Variants in PCDHGA4 observed in about 807,000 individuals in gnomAD.
PCDHGA4 encodes protocadherin gamma-A4.
A neutral mutation model predicts 54.6 loss-of-function variants in PCDHGA4; 38 were observed. The observed-to-expected ratio is 0.70, with a 90% CI of 0.54 to 0.91. The LOEUF is 0.91. PCDHGA4 is among the 40% of genes least tolerant of loss of function. The pLI is 0.00. For missense variants in PCDHGA4, 1,298 were observed against 1,220.9 expected (o/e 1.06, Z -0.94); for synonymous variants, 511 against 512.9 (o/e 1.00, Z 0.05).
Position 141,477,704 on chromosome 5 carries a change from C to T in PCDHGA4, c.2515-17103C>T, listed in dbSNP as rs772195653. 30 of 1,613,968 alleles carry T rather than the reference C, an allele frequency of 1.9e-5. No homozygotes were observed. Among genetic ancestry groups the T allele is most frequent in the Admixed American group, 6.7e-5 (4 of 60,026 alleles). On this transcript the variant is annotated intron_variant, in intron 1 of 3. Transcript: ENST00000571252. This position sits in a 1 kb window ranked among gnomAD's most constrained non-coding sequence, Gnocchi z 4.9. Reference sequence around the variant, plus strand: ...CTTAGTGCCCCTAGACTATGAGGATCGGCGGGAATTTGAATTAACAGCTCA... The same window carrying T: ...CTTAGTGCCCCTAGACTATGAGGATTGGCGGGAATTTGAATTAACAGCTCA...
In PCDHGA4 at chr5:141,491,492, T is replaced by G. The variant is rs763487622; in HGVS notation, c.2515-3315T>G. On this transcript the variant is annotated intron_variant, in intron 1 of 3. Coordinates refer to ENST00000571252, the MANE Select transcript of PCDHGA4 (RefSeq NM_018917.4). This position sits in a 1 kb window ranked among gnomAD's most constrained non-coding sequence, Gnocchi z 6.9. ...AAGCAGTCCAGCCCCAACCTGCAGG[T>G]GAGCTCGGACGGCACGCTCAAGTAC... 3.1e-6 allele frequency: 5 copies of G among 1,614,024 alleles called. No homozygotes were observed. The highest frequency in any genetic ancestry group is 3.4e-6 in the Non-Finnish European group (4 of 1,180,006).
chr5:141,452,844 C>T (rs1239022315), intron 1 of PCDHGA4, among the ~76,000 whole-genome samples: 1 of 152,204 alleles, frequency 6.6e-6, no homozygotes, highest in Non-Finnish European at 1.5e-5. Context: ...CCAGCCCACA[C>T]TCTGGGGAGA....
At position 141,422,850 on chromosome 5, in the gene PCDHGA4, G is replaced by A. The variant is rs184432819; in HGVS notation, c.2514+65229G>A. On this transcript the variant is annotated intron_variant, in intron 1 of 3. Transcript: ENST00000571252. Reference sequence around the variant, plus strand: ...TGATAGCACGTGACAGCGGGGACCCGCCCCTCAGCAGCAACGTGTCGCTGA... The same window carrying A: ...TGATAGCACGTGACAGCGGGGACCCACCCCTCAGCAGCAACGTGTCGCTGA... 154 of 1,614,204 alleles carry A rather than the reference G, an allele frequency of 9.5e-5. 1 individual carries two copies. The African/African-American group carries it at 1.3e-3, about 14-fold the overall frequency.
intron 1 of PCDHGA4, chr5:141,382,741 C>G: frequency 3.4e-6 from 2 of 582,496 alleles, no homozygotes; most frequent in East Asian, 2.8e-5. Context: ...AGAGAAACGA[C>G]AGATTGCGAT....
chr5:141,410,797 CTCTA>C (rs375585060), intron 1 of PCDHGA4: 18 of 676,000 alleles, frequency 2.7e-5, no homozygotes, highest in Middle Eastern at 9.7e-4. Context: ...TCATAAGTTG[CTCTA>C]TCTTTTTGTA....
At chr5:141,379,080 G>C (rs1467577464) in intron 1 of PCDHGA4, 1 of 152,176 alleles carries the variant, frequency 6.6e-6, no homozygotes, top group Non-Finnish European at 1.5e-5. Flanking sequence ...ATCTGAATTT[G>C]TTATGAATGT....
intron 2 of PCDHGA4, among the ~76,000 whole-genome samples, chr5:141,499,829 G>A (rs1322405697): frequency 6.6e-6 from 1 of 151,548 alleles, no homozygotes; most frequent in African/African-American, 2.4e-5. Context: ...TAGGATTACA[G>A]GTGTGCACCA....
At position 141,432,816 on chromosome 5, in the gene PCDHGA4, C is replaced by A. The variant is rs778545682; in HGVS notation, c.2515-61991C>A. Reference sequence around the variant, plus strand: ...CTCGAGTCTCCAGCTAACTCTGAAACCTCAGACCTCACTCTGTACCTGGTG... The same window carrying A: ...CTCGAGTCTCCAGCTAACTCTGAAAACTCAGACCTCACTCTGTACCTGGTG... On this transcript the variant is annotated intron_variant, in intron 1 of 3. Transcript: ENST00000571252. The surrounding 1 kb of genome is among the most constrained non-coding windows in gnomAD (Gnocchi z 6.0). The A allele has an allele frequency of 7.6e-5, 122 of 1,614,044 alleles. No individual in the cohort carries two copies. The highest frequency in any genetic ancestry group is 3.3e-5 in the Admixed American group (2 of 60,012).
rs112078596 is a variant in PCDHGA4, at chr5:141,490,350, G to A, written c.2515-4457G>A. ...GCACACCAGTGGGCACAGTAGTGGG[G>A]TTGTTTAATGTGCGAGACCGGGACT... On this transcript the variant is annotated intron_variant, in intron 1 of 3. Coordinates refer to ENST00000571252, the MANE Select transcript of PCDHGA4 (RefSeq NM_018917.4). The surrounding 1 kb of genome is among the most constrained non-coding windows in gnomAD (Gnocchi z 5.4). 3.5e-5 allele frequency: 57 copies of A among 1,614,086 alleles called. No homozygotes were observed. The highest frequency in any genetic ancestry group is 4.6e-5 in the Non-Finnish European group (54 of 1,180,042).
chr5:141,375,174 C>G (rs765614006), intron 1 of PCDHGA4: 7 of 1,613,886 alleles, frequency 4.3e-6, no homozygotes, highest in East Asian at 4.5e-5. Flanking sequence ...CCTCCAGGAA[C>G]AGTAATCGCC....
At chr5:141,423,140 C>T (rs760216287) in intron 1 of PCDHGA4, 7 of 1,613,498 alleles carry the variant, frequency 4.3e-6, no homozygotes, top group Non-Finnish European at 2.5e-6. Flanking sequence ...GACAGAGACG[C>T]GCTCAAGCAG....
chr5:141,362,276 G>A (rs1762413710), intron 1 of PCDHGA4: 17 of 1,613,888 alleles, frequency 1.1e-5, no homozygotes, highest in Middle Eastern at 1.6e-4. Flanking sequence ...ATCTCCCTGC[G>A]CCTGCGACTC....
intron 1 of PCDHGA4, chr5:141,419,522 C>T (rs781128524): frequency 1.5e-5 from 24 of 1,612,178 alleles, no homozygotes; most frequent in Non-Finnish European, 1.9e-5. Flanking sequence ...GGTGGGCGAC[C>T]GTAACGACAA....
At chr5:141,414,646 A>G in intron 1 of PCDHGA4, 2 of 1,613,928 alleles carry the variant, frequency 1.2e-6, no homozygotes, top group Non-Finnish European at 1.7e-6. Context: ...GAATGCCCAG[A>G]TTATTTACTC....
intron 1 of PCDHGA4, among the ~76,000 whole-genome samples, chr5:141,482,207 G>T (rs983812650): frequency 6.6e-6 from 1 of 152,130 alleles, no homozygotes; most frequent in East Asian, 1.9e-4. Flanking sequence ...AAACAGACCA[G>T]GTACTTGTTT....
At chr5:141,387,576 G>A in intron 1 of PCDHGA4, 2 of 487,618 alleles carry the variant, frequency 4.1e-6, no homozygotes, top group Non-Finnish European at 7.2e-6. Flanking sequence ...TATAATTATT[G>A]CACTGGTTAA....
chr5:141,488,846 C>T (rs1359759383), intron 1 of PCDHGA4, among the ~76,000 whole-genome samples: 1 of 152,174 alleles, frequency 6.6e-6, no homozygotes, highest in African/African-American at 2.4e-5. Flanking sequence ...GCTGAATCAA[C>T]CTGCAGCACG....
chr5:141,481,880 C>CTCCA (rs1483509373), intron 1 of PCDHGA4, among the ~76,000 whole-genome samples: 1 of 145,300 alleles, frequency 6.9e-6, no homozygotes, highest in Non-Finnish European at 1.5e-5. Context: ...CGCCACTGCA[C>CTCCA]TCCAGCCTGG....
intron 1 of PCDHGA4, chr5:141,421,951 A>G: frequency 6.2e-7 from 1 of 1,612,854 alleles, no homozygotes; most frequent in Non-Finnish European, 8.5e-7. Flanking sequence ...TCACATCCCA[A>G]TGTTTACACA....
Sources: allele counts gnomAD v4.1 joint callset (sites outside exome capture counted in the v4.1 genomes callset), GRCh38; gene constraint gnomAD v4.1.1; non-coding constraint Gnocchi (gnomAD v3.1); transcripts MANE v1.5; gene names NCBI Gene and HGNC (gene_info 2026-07-23, HGNC 2026-07-21).